The following TENM3 variants were observed in gnomAD, a reference collection of about 807,000 sequenced individuals.
TENM3 encodes the protein teneurin transmembrane protein 3.
Under a neutral mutation model 255.1 loss-of-function variants are expected in TENM3, and 63 were observed. The ratio of observed to expected loss-of-function variants is 0.25; its 90% CI spans 0.20 to 0.30. TENM3 has a LOEUF of 0.30. TENM3 is among the 10% of genes least tolerant of loss of function. The pLI is 1.00. For missense variants in TENM3, 2,929 were observed against 3,461.1 expected (o/e 0.85, Z 3.86); for synonymous variants, 1,306 against 1,322.3 (o/e 0.99, Z 0.27).
At chr4:181,785,785 T>G in the TENM3 span, among the ~76,000 whole-genome samples, 1 of 150,826 alleles carries the variant, frequency 6.6e-6, no homozygotes, top group Non-Finnish European at 1.5e-5. Flanking sequence ...ATCCTGTATC[T>G]TTCTCTTTTT....
At chr4:182,696,759 T>C (rs1019648054) in intron 12 of TENM3, among the ~76,000 whole-genome samples, 4 of 152,150 alleles carry the variant, frequency 2.6e-5, no homozygotes, top group Non-Finnish European at 4.4e-5. Context: ...ACTTCTCTCA[T>C]GTTTGTGGTA....
In TENM3 at chr4:182,324,084, C is replaced by T; in HGVS notation, c.64C>T (p.Arg22Cys). 3.1e-6 allele frequency: 5 copies of T among 1,613,978 alleles called. No individual in the cohort carries two copies. The highest frequency in any genetic ancestry group is 4.2e-6 in the Non-Finnish European group (5 of 1,179,888). ...CAAGAGCAGACGAGAGAAGGAACGGCGCTACACAAATTCCTCCGCAGACAA... is the reference window on the plus strand; with the variant it reads ...CAAGAGCAGACGAGAGAAGGAACGGTGCTACACAAATTCCTCCGCAGACAA... Reference protein sequence around the residue: ...LTKSRREKERRYTNSSADNEE... With the variant: ...LTKSRREKERCYTNSSADNEE... The change falls in exon 2 of 28, where the codon CGC becomes TGC. Residue 22 changes from arginine to cysteine, a missense_variant. Arg to Cys is a radical substitution (Grantham distance 180, BLOSUM62 -3). Transcript: ENST00000511685.
In TENM3 at chr4:182,508,397, G is replaced by A. The variant is rs535028401; in HGVS notation, c.512-92527G>A. On this transcript the variant is annotated intron_variant, in intron 3 of 27. Coordinates refer to ENST00000511685, the MANE Select transcript of TENM3 (RefSeq NM_001080477.4). Reference sequence around the variant, plus strand: ...TTTGGCAATTGAGTACCAATAATACGATAGTCATAGATTAGGTATAACTAT... The same window carrying A: ...TTTGGCAATTGAGTACCAATAATACAATAGTCATAGATTAGGTATAACTAT... Among the ~76,000 whole-genome samples, 10 of 152,258 alleles carry A rather than the reference G, an allele frequency of 6.6e-5. No individual in the cohort carries two copies. In the South Asian group the frequency reaches 1.7e-3, roughly 25 times the overall value.
chr4:181,837,281 C>T, the TENM3 span, among the ~76,000 whole-genome samples: 1 of 152,200 alleles, frequency 6.6e-6, no homozygotes, highest in East Asian at 1.9e-4. Context: ...TATTGAGAGC[C>T]ACTCTTAGAG....
Position 182,441,421 on chromosome 4 carries a change from T to C in TENM3, c.511+94492T>C, listed in dbSNP as rs867272571. ...TCATTTTAATCAGCAAGCAATTTTT[T>C]AAAATCTGGATTCTTCATTTCCATT... On this transcript the variant is annotated intron_variant, in intron 3 of 27. Coordinates refer to ENST00000511685, the MANE Select transcript of TENM3 (RefSeq NM_001080477.4). Among the ~76,000 whole-genome samples the C allele has an allele frequency of 9.8e-5, 15 of 152,342 alleles. 1 individual carries two copies. The highest frequency in any genetic ancestry group is 9.1e-4 in the Admixed American group (14 of 15,304).
chr4:182,245,467 A>G (rs1757576165), intron 1 of TENM3, among the ~76,000 whole-genome samples: 1 of 152,216 alleles, frequency 6.6e-6, no homozygotes, highest in African/African-American at 2.4e-5. Flanking sequence ...ATTTTGTTTT[A>G]ATTCTCTGTT....
At chr4:182,096,126 T>G in the TENM3 span, among the ~76,000 whole-genome samples, 1 of 80,460 alleles carries the variant, frequency 1.2e-5, no homozygotes, top group Admixed American at 1.3e-4. Flanking sequence ...TGAGACCCTG[T>G]CTCAAAAAAA....
At chr4:182,782,418 G>A (rs1340428856) in intron 24 of TENM3, among the ~76,000 whole-genome samples, 1 of 121,668 alleles carries the variant, frequency 8.2e-6, no homozygotes, top group East Asian at 2.3e-4. Context: ...TGGTCTGAGA[G>A]ATAGTTTGTT....
chr4:181,738,552 A>G, the TENM3 span, among the ~76,000 whole-genome samples: 2 of 152,088 alleles, frequency 1.3e-5, no homozygotes, highest in African/African-American at 4.8e-5. Context: ...TAGAATGTTT[A>G]GGTTTGGTAA....
intron 3 of TENM3, among the ~76,000 whole-genome samples, chr4:182,463,819 C>T (rs1732310728): frequency 6.6e-6 from 1 of 152,022 alleles, no homozygotes; most frequent in African/African-American, 2.4e-5. Flanking sequence ...TATGGGGTTT[C>T]TCCATGTTGG....
the TENM3 span, among the ~76,000 whole-genome samples, chr4:181,959,886 A>G: frequency 1.3e-5 from 2 of 152,230 alleles, no homozygotes; most frequent in African/African-American, 4.8e-5. Flanking sequence ...CTAAATGCCT[A>G]TATCCTAAAA....
the TENM3 span, among the ~76,000 whole-genome samples, chr4:181,868,263 C>T: frequency 6.6e-6 from 1 of 151,950 alleles, no homozygotes. Flanking sequence ...ACCCCTCCCA[C>T]CTCCCTTCCC....
the TENM3 span, among the ~76,000 whole-genome samples, chr4:182,062,869 T>A: frequency 6.6e-6 from 1 of 152,212 alleles, no homozygotes; most frequent in Non-Finnish European, 1.5e-5. Flanking sequence ...GCTCTCCTTG[T>A]CTTTAAAAAA....
the TENM3 span, among the ~76,000 whole-genome samples, chr4:181,609,190 C>T: frequency 6.6e-6 from 1 of 152,052 alleles, no homozygotes; most frequent in Non-Finnish European, 1.5e-5. Flanking sequence ...GGTGAGGAGG[C>T]CGTTTTTATG....
chr4:181,911,318 A>C, the TENM3 span, among the ~76,000 whole-genome samples: 2 of 152,192 alleles, frequency 1.3e-5, no homozygotes, highest in African/African-American at 4.8e-5. Flanking sequence ...TGGTTGACAA[A>C]CCTTTGAAGA....
At chr4:181,872,740 C>T in the TENM3 span, among the ~76,000 whole-genome samples, 1 of 151,880 alleles carries the variant, frequency 6.6e-6, no homozygotes, top group African/African-American at 2.4e-5. Flanking sequence ...GCCTTGGTAC[C>T]AGCATGAGAA....
chr4:181,876,129 C>T, the TENM3 span, among the ~76,000 whole-genome samples: 40 of 152,262 alleles, frequency 2.6e-4, no homozygotes, highest in African/African-American at 9.6e-4. Flanking sequence ...TTTGACTATA[C>T]ACCTAGTTAA....
chr4:181,963,452 A>G, the TENM3 span, among the ~76,000 whole-genome samples: 1 of 152,232 alleles, frequency 6.6e-6, no homozygotes, highest in South Asian at 2.1e-4. Context: ...GCCCAAAAGA[A>G]CAAAGAAAGC....
the TENM3 span, among the ~76,000 whole-genome samples, chr4:182,082,058 G>A: frequency 6.6e-6 from 1 of 152,136 alleles, no homozygotes. Context: ...CAAAAGTAGA[G>A]GGAATATTGT....
Sources: gnomAD v4.1 joint callset for allele counts (sites outside exome capture counted in the v4.1 genomes callset) on GRCh38, gnomAD v4.1.1 for gene constraint, MANE v1.5 for transcripts, NCBI Gene and HGNC (gene_info 2026-07-23, HGNC 2026-07-21) for gene names.